The following CCSER1 variants were observed in gnomAD, a reference collection of about 807,000 sequenced individuals.
The protein encoded by CCSER1 is coiled-coil serine rich protein 1, also known as serine-rich coiled-coil domain-containing protein 1.
A neutral mutation model predicts 82.0 loss-of-function variants in CCSER1; 41 were observed. The ratio of observed to expected loss-of-function variants is 0.50; its 90% CI spans 0.39 to 0.65. The LOEUF (loss-of-function observed/expected upper bound fraction) is 0.65, where lower values mean the gene tolerates loss of function less well. Ranked by LOEUF, CCSER1 falls within the 30% of genes least tolerant of loss-of-function variation. The pLI is 0.00. For missense variants in CCSER1, 1,119 were observed against 1,064.2 expected, an observed-to-expected ratio of 1.05 and a Z score of -0.72; for synonymous variants, 414 against 383.9, an observed-to-expected ratio of 1.08 and a Z score of -0.92.
intron 10 of CCSER1, among the ~76,000 whole-genome samples, chr4:91,344,177 T>C (rs1747901554): frequency 1.3e-5 from 2 of 152,134 alleles, no homozygotes; most frequent in Non-Finnish European, 2.9e-5. Context: ...ATAAAAGGGA[T>C]CTGAGAGAGT....
chr4:90,700,325 T>C (rs1362572581), intron 6 of CCSER1, among the ~76,000 whole-genome samples: 1 of 152,174 alleles, frequency 6.6e-6, no homozygotes, highest in African/African-American at 2.4e-5. Context: ...AACTCATCCT[T>C]TTTTATGGCT....
At chr4:90,628,737 A>G (rs1230074119) in intron 6 of CCSER1, among the ~76,000 whole-genome samples, 1 of 152,168 alleles carries the variant, frequency 6.6e-6, no homozygotes, top group Non-Finnish European at 1.5e-5. Flanking sequence ...CCCTCCCCAC[A>G]GCTTGGGCCT....
intron 10 of CCSER1, among the ~76,000 whole-genome samples, chr4:91,233,820 C>T (rs1738798531): frequency 6.6e-6 from 1 of 151,594 alleles, no homozygotes; most frequent in Non-Finnish European, 1.5e-5. Context: ...TTTAACCTTC[C>T]TTTATAGATG....
At chr4:91,161,222 G>C (rs925848418) in intron 10 of CCSER1, among the ~76,000 whole-genome samples, 1 of 152,064 alleles carries the variant, frequency 6.6e-6, no homozygotes, top group African/African-American at 2.4e-5. Flanking sequence ...TAGATGTGTG[G>C]TGTTATTTCC....
At chr4:90,484,652 G>C (rs190866928) in intron 5 of CCSER1, among the ~76,000 whole-genome samples, 5 of 152,176 alleles carry the variant, frequency 3.3e-5, no homozygotes, top group Non-Finnish European at 5.9e-5. Context: ...GACCCTGTTT[G>C]CCTGGGTATC....
At chr4:90,790,766 C>A (rs1755118046) in intron 7 of CCSER1, among the ~76,000 whole-genome samples, 1 of 152,190 alleles carries the variant, frequency 6.6e-6, no homozygotes, top group Non-Finnish European at 1.5e-5. Context: ...AACTTTCCCA[C>A]ATCCTCCTGT....
chr4:90,690,616 T>C (rs1010158695), intron 6 of CCSER1, among the ~76,000 whole-genome samples: 1 of 152,094 alleles, frequency 6.6e-6, no homozygotes. Flanking sequence ...CCTCATCTTT[T>C]CTTCCAAAGT....
chr4:90,244,918 G>A (rs1441199199), intron 1 of CCSER1, among the ~76,000 whole-genome samples: 2 of 152,078 alleles, frequency 1.3e-5, no homozygotes, highest in East Asian at 1.9e-4. Context: ...AGAGTCACAC[G>A]ACCTTGGTTT....
chr4:91,597,119 T>C (rs1294178695), intron 10 of CCSER1, among the ~76,000 whole-genome samples: 1 of 151,984 alleles, frequency 6.6e-6, no homozygotes, highest in Non-Finnish European at 1.5e-5. Context: ...CCTATGGAAA[T>C]ACTCGAGGAA....
At chr4:91,127,426 A>C (rs569291114) in intron 10 of CCSER1, among the ~76,000 whole-genome samples, 7 of 152,058 alleles carry the variant, frequency 4.6e-5, no homozygotes, top group Non-Finnish European at 8.8e-5. Flanking sequence ...GCATTTCCTC[A>C]GAAAGGCCAC....
chr4:90,878,799 G>A (rs903073206), intron 8 of CCSER1, among the ~76,000 whole-genome samples: 1 of 152,156 alleles, frequency 6.6e-6, no homozygotes, highest in Non-Finnish European at 1.5e-5. Flanking sequence ...ATTTATGTCT[G>A]TACCTCTGAT....
intron 9 of CCSER1, among the ~76,000 whole-genome samples, chr4:90,995,413 G>C (rs577009801): frequency 6.6e-6 from 1 of 152,222 alleles, no homozygotes; most frequent in East Asian, 1.9e-4. Flanking sequence ...GCTTCTGTGG[G>C]AGATGCAAAA....
At chr4:90,487,073 A>G (rs901548942) in intron 5 of CCSER1, among the ~76,000 whole-genome samples, 1 of 152,048 alleles carries the variant, frequency 6.6e-6, no homozygotes, top group African/African-American at 2.4e-5. Flanking sequence ...CACCATGCCC[A>G]GCTAATTTTT....
intron 1 of CCSER1, among the ~76,000 whole-genome samples, chr4:90,269,483 CAATT>C (rs1725858460): frequency 6.6e-6 from 1 of 151,794 alleles, no homozygotes; most frequent in Non-Finnish European, 1.5e-5. Flanking sequence ...TTTCTTGAAA[CAATT>C]GATAATGAAA....
intron 1 of CCSER1, among the ~76,000 whole-genome samples, chr4:90,283,510 T>G (rs569988853): frequency 5.4e-4 from 82 of 152,164 alleles, no homozygotes; most frequent in African/African-American, 1.8e-3. Context: ...CATTTCATGT[T>G]AAGAACATTA....
At position 90,468,263 on chromosome 4, in the gene CCSER1, G is replaced by A. The variant is rs374464125; in HGVS notation, c.1633G>A (p.Val545Ile). Residue 545 changes from valine to isoleucine, a missense_variant, in exon 5 of 11, where the codon GTC (valine) becomes ATC (isoleucine). By Grantham distance (29) the Val-to-Ile change is conservative. Coordinates refer to ENST00000509176, the MANE Select transcript of CCSER1 (RefSeq NM_001145065.2). ...VCREDSYHSV[V>I]SCAAVVLTPM... ...CCGGGAGGACTCATATCACTCTGTC[G>A]TCTCATGTGCCGCAGTAGTTCTTAC... 1.3e-4 allele frequency: 211 copies of A among 1,606,720 alleles called. No homozygotes were observed. Among genetic ancestry groups the A allele is most frequent in the Non-Finnish European group, 1.8e-4 (207 of 1,175,680 alleles).
At chr4:91,475,116 TTTG>T (rs1325720827) in intron 10 of CCSER1, among the ~76,000 whole-genome samples, 1 of 151,684 alleles carries the variant, frequency 6.6e-6, no homozygotes, top group Non-Finnish European at 1.5e-5. Flanking sequence ...TGATGAGAAT[TTTG>T]TTGTCCAGGA....
chr4:90,752,187 T>C (rs13139797), intron 7 of CCSER1, among the ~76,000 whole-genome samples: 4,260 of 152,226 alleles, frequency 0.028, 91 homozygotes, highest in Non-Finnish European at 0.044. Context: ...TCATTTCCTA[T>C]GAGGAGAAAC....
At chr4:91,265,942 G>A (rs1331522241) in intron 10 of CCSER1, among the ~76,000 whole-genome samples, 1 of 152,096 alleles carries the variant, frequency 6.6e-6, no homozygotes, top group Non-Finnish European at 1.5e-5. Context: ...ATGAGGGAAG[G>A]CAAAAGGCAC....
Sources: gnomAD v4.1 joint callset for allele counts (sites outside exome capture counted in the v4.1 genomes callset) on GRCh38, gnomAD v4.1.1 for gene constraint, MANE v1.5 for transcripts, NCBI Gene and HGNC (gene_info 2026-07-23, HGNC 2026-07-21) for gene names.